Variants in ARHGAP29 observed in about 807,000 individuals in gnomAD.
ARHGAP29 encodes the protein Rho GTPase activating protein 29, also known as rho GTPase-activating protein 29.
In ARHGAP29, 43 loss-of-function variants were observed where a neutral mutation model predicts 122.6. The ratio of observed to expected loss-of-function variants is 0.35; its 90% CI spans 0.27 to 0.45. The LOEUF is 0.45. Among genes scored for constraint, ARHGAP29 ranks in the 20% least tolerant of loss-of-function variants. ARHGAP29 has a pLI of 1.00. For missense variants in ARHGAP29, 1,303 were observed against 1,477.2 expected (o/e 0.88, Z 1.93); for synonymous variants, 506 against 497.1 (o/e 1.02, Z -0.24).
intron 12 of ARHGAP29, chr1:94,194,819 C>T (rs1354345199): frequency 6.6e-6 from 1 of 152,138 alleles, no homozygotes; most frequent in East Asian, 1.9e-4. Context: ...ATTTACAATG[C>T]TAAATGATCT....
chr1:94,216,185 CTATT>C (rs1651946409), intron 3 of ARHGAP29, among the ~76,000 whole-genome samples: 1 of 152,094 alleles, frequency 6.6e-6, no homozygotes, highest in African/African-American at 2.4e-5. Flanking sequence ...ATTTGCATGA[CTATT>C]TATTGAAGCA....
At chr1:94,282,847 T>C in the ARHGAP29 span, among the ~76,000 whole-genome samples, 1 of 152,154 alleles carries the variant, frequency 6.6e-6, no homozygotes, top group Non-Finnish European at 1.5e-5. Flanking sequence ...CCCTTCTCTA[T>C]GTGGTTTGTC....
intron 3 of ARHGAP29, among the ~76,000 whole-genome samples, chr1:94,215,823 G>T (rs978088558): frequency 6.6e-6 from 1 of 151,908 alleles, no homozygotes. Context: ...AAGACTAAAG[G>T]CTAATTTTAC....
Position 94,188,825 on chromosome 1 carries a change from A to G in ARHGAP29, c.1681+12T>C, listed in dbSNP as rs1165189000. On this transcript the variant is annotated intron_variant, in intron 15 of 22. Transcript: ENST00000260526. ...AATGAGTTTTCATTGCCAGACTTAA[A>G]TATAGATGTACCTGGACTTATAGAT... 6.2e-7 allele frequency: 1 copy of G among 1,600,984 alleles called. No homozygotes were observed. The highest frequency in any genetic ancestry group is 2.2e-5 in the East Asian group (1 of 44,762).
Position 94,173,878 on chromosome 1 carries a change from T to C in ARHGAP29, c.3777A>G (p.Gln1259=), listed in dbSNP as rs771369523. ...CTGAAATTTGACATCCCTACACAAA[T>C]TGTGGAATTTCACCTTCGAGGTCTT... ...QFEDLEGEIP[Q]FV Residue 1259 remains glutamine, a synonymous_variant, in exon 23 of 23, where the codon CAA becomes CAG. Transcript: ENST00000260526. 5 of 1,598,320 alleles carry C rather than the reference T, an allele frequency of 3.1e-6. No homozygotes were observed. The highest frequency in any genetic ancestry group is 4.3e-6 in the Non-Finnish European group (5 of 1,168,400).
chr1:94,292,098 G>A, the ARHGAP29 span, among the ~76,000 whole-genome samples: 28 of 152,250 alleles, frequency 1.8e-4, no homozygotes, highest in South Asian at 6.2e-4. Context: ...CCATTCAAAC[G>A]TAGATTTGGT....
chr1:94,306,712 C>T, the ARHGAP29 span, among the ~76,000 whole-genome samples: 2 of 152,166 alleles, frequency 1.3e-5, no homozygotes, highest in Non-Finnish European at 2.9e-5. Context: ...AATGGATATG[C>T]ACCAACATTT....
chr1:94,231,907 C>T (rs563223144), intron 1 of ARHGAP29, among the ~76,000 whole-genome samples: 1 of 152,090 alleles, frequency 6.6e-6, no homozygotes, highest in Non-Finnish European at 1.5e-5. Context: ...AAATGAGGAA[C>T]CTGAGGTTTA....
chr1:94,178,207 A>C (rs755765359), intron 20 of ARHGAP29, 40 bp from the exon 21 acceptor site: 2 of 1,561,606 alleles, frequency 1.3e-6, no homozygotes, highest in East Asian at 4.5e-5. Context: ...AGATTTTCCT[A>C]TTAGAGTTCC....
upstream of ARHGAP29, among the ~76,000 whole-genome samples, chr1:94,279,981 A>G (rs555636494): frequency 8.2e-6 from 1 of 122,668 alleles, no homozygotes; most frequent in Admixed American, 8.2e-5. Context: ...TTATTTCCCC[A>G]ACTCCAGAGC....
In ARHGAP29 at chr1:94,186,526, T is replaced by C. The variant is rs769642118; in HGVS notation, c.1753A>G (p.Arg585Gly). 5 of 1,613,750 alleles carry C rather than the reference T, an allele frequency of 3.1e-6. No individual in the cohort carries two copies. Among genetic ancestry groups the C allele is most frequent in the East Asian group, 2.2e-5 (1 of 44,826 alleles). The change falls in exon 16 of 23, where the codon AGA (arginine) becomes GGA (glycine). Residue 585 changes from arginine (R) to glycine (G), a missense_variant. This residue lies in a region of ARHGAP29 where 91 missense variants were observed against 177.8 expected (regional missense o/e 0.51). Coordinates refer to ENST00000260526, the MANE Select transcript of ARHGAP29 (RefSeq NM_004815.4). ...TMSSADDLDE[R>G]EPPSPSETGP... Reference sequence around the variant, plus strand: ...GTTTCTGAAGGGGAAGGTGGCTCTCTTTCATCTAGATCATCTGCAGAGGAC... The same window carrying C: ...GTTTCTGAAGGGGAAGGTGGCTCTCCTTCATCTAGATCATCTGCAGAGGAC...
At chr1:94,266,912 T>C (rs1654795529) in intron 1 of ARHGAP29, among the ~76,000 whole-genome samples, 1 of 152,206 alleles carries the variant, frequency 6.6e-6, no homozygotes, top group Admixed American at 6.5e-5. Flanking sequence ...ACATCTTACA[T>C]GTGAGGAAAC....
intron 2 of ARHGAP29, among the ~76,000 whole-genome samples, chr1:94,221,970 A>G (rs1377933896): frequency 1.5e-5 from 2 of 133,508 alleles, no homozygotes; most frequent in African/African-American, 5.3e-5. Context: ...GGAAGGAAGA[A>G]CTTTAAAAAA....
rs539710134 is a variant in ARHGAP29 at position 94,192,401 on chromosome 1, C to G, written c.1282-2318G>C. On this transcript the variant is annotated intron_variant, in intron 12 of 22. Coordinates refer to ENST00000260526, the MANE Select transcript of ARHGAP29 (RefSeq NM_004815.4). The stretch of plus-strand genomic sequence containing the variant: ...AAACTGAGTGCAGACAGAAGGAGCT[C>G]CAAGAGAGGTCCTTTCTGGCCCAAG... 6 of 152,312 alleles carry G rather than the reference C, an allele frequency of 3.9e-5. No individual in the cohort carries two copies. The South Asian group carries it at 1.2e-3, about 32-fold the overall frequency. 9.4% of individuals were successfully genotyped at this position (152,312 alleles called of 1,614,324 possible).
rs573609930 is a variant in ARHGAP29 at position 94,193,493 on chromosome 1, T to TA, written c.1282-3411dup. 1.6e-3 allele frequency: 241 copies of TA among 151,978 alleles called. 3 individuals carry two copies. The highest frequency in any genetic ancestry group is 5.5e-3 in the African/African-American group (226 of 41,462). The allele number at this position is 151,978 out of a possible 1,614,324, so 9.4% of individuals were successfully genotyped here. A position where few individuals can be genotyped will look rare whatever the true frequency, so the allele number is the denominator to read the frequency against. On this transcript the variant is annotated intron_variant, in intron 12 of 22. Coordinates refer to ENST00000260526, the MANE Select transcript of ARHGAP29 (RefSeq NM_004815.4). The stretch of plus-strand genomic sequence containing the variant: ...AAAAACAGCAAAAACCAGGTCTAGA[T>TA]ACGTCTTAAACAGATAAAATCCAAA...
At chr1:94,180,447 G>A (rs993220861) in intron 19 of ARHGAP29, among the ~76,000 whole-genome samples, 3 of 152,066 alleles carry the variant, frequency 2.0e-5, no homozygotes, top group African/African-American at 7.2e-5. Flanking sequence ...GCCATAAATA[G>A]GTCAAAAGAA....
chr1:94,236,198 T>C (rs141407124), intron 1 of ARHGAP29, among the ~76,000 whole-genome samples: 1 of 152,306 alleles, frequency 6.6e-6, no homozygotes, highest in East Asian at 1.9e-4. Flanking sequence ...TTATCAATAC[T>C]ATGCAAACAA....
At chr1:94,189,377 A>G in intron 13 of ARHGAP29, 25 bp from the exon 14 acceptor site, 1 of 1,588,362 alleles carries the variant, frequency 6.3e-7, no homozygotes, top group Non-Finnish European at 8.6e-7. Flanking sequence ...ATGACAAAAA[A>G]CAAAACTCAA....
intron 1 of ARHGAP29, among the ~76,000 whole-genome samples, chr1:94,251,479 G>T (rs1482855483): frequency 1.3e-5 from 2 of 152,162 alleles, no homozygotes; most frequent in Non-Finnish European, 2.9e-5. Context: ...AGACACAGAA[G>T]AAGTTCAATG....
Sources: allele counts gnomAD v4.1 joint callset (sites outside exome capture counted in the v4.1 genomes callset), GRCh38; gene constraint gnomAD v4.1.1; regional missense constraint gnomAD v4.1.1; transcripts MANE v1.5; gene names NCBI Gene and HGNC (gene_info 2026-07-23, HGNC 2026-07-21).